The following RGS5 variants were observed in gnomAD, a reference collection of about 807,000 sequenced individuals.
RGS5 encodes regulator of G protein signaling 5, also known as regulator of G-protein signalling 5.
In RGS5, 20 loss-of-function variants were observed where a neutral mutation model predicts 18.9. The ratio of observed to expected loss-of-function variants is 1.06; its 90% CI spans 0.74 to 1.54. RGS5 has a LOEUF of 1.54. Ranked by LOEUF, RGS5 falls within the 40% of genes most tolerant of loss-of-function variation. The pLI is 0.00. For synonymous variants in RGS5, 57 were observed against 76.2 expected (o/e 0.75, Z 1.31); for missense variants, 201 against 211.8 (o/e 0.95, Z 0.32).
chr1:163,287,437 T>C (rs1649173142), intron 2 of RGS5, among the ~76,000 whole-genome samples: 1 of 152,194 alleles, frequency 6.6e-6, no homozygotes, highest in Non-Finnish European at 1.5e-5. Flanking sequence ...AGAATCACCA[T>C]GAGCTTTTAG....
At chr1:163,222,536 T>C (rs1647250021), upstream of RGS5, among the ~76,000 whole-genome samples, 3 of 152,284 alleles carry the variant, frequency 2.0e-5, no homozygotes, top group South Asian at 6.2e-4. Context: ...ACAGTCAGTA[T>C]TTAGTAATTC....
chr1:163,226,741 T>G (rs1381971107), intron 2 of RGS5, among the ~76,000 whole-genome samples: 1 of 152,230 alleles, frequency 6.6e-6, no homozygotes, highest in Admixed American at 6.5e-5. Flanking sequence ...CTAAGTTTTA[T>G]GTGATGTGTG....
At chr1:163,246,959 C>T (rs1286003558) in intron 2 of RGS5, among the ~76,000 whole-genome samples, 1 of 152,112 alleles carries the variant, frequency 6.6e-6, no homozygotes, top group African/African-American at 2.4e-5. Context: ...GGGGCCATTA[C>T]CCTAAGTCAA....
chr1:163,195,475 G>A (rs1348614659), intron 1 of RGS5, among the ~76,000 whole-genome samples: 1 of 152,036 alleles, frequency 6.6e-6, no homozygotes, highest in Non-Finnish European at 1.5e-5. Flanking sequence ...AGGCTACAGG[G>A]TGCAGTGCTT....
intron 4 of RGS5, among the ~76,000 whole-genome samples, 188 bp from the exon 5 acceptor site, chr1:163,147,691 A>G (rs1481047922): frequency 6.6e-6 from 1 of 152,208 alleles, no homozygotes; most frequent in African/African-American, 2.4e-5. Context: ...AGATGCATCC[A>G]ACCGGTATTA....
At chr1:163,311,124 T>C (rs1342075349) in intron 1 of RGS5, among the ~76,000 whole-genome samples, 3 of 152,222 alleles carry the variant, frequency 2.0e-5, no homozygotes, top group South Asian at 4.1e-4. Flanking sequence ...AACACACTTG[T>C]ATGTTATAAA....
intron 2 of RGS5, among the ~76,000 whole-genome samples, chr1:163,291,282 G>A (rs539553846): frequency 1.3e-5 from 2 of 152,148 alleles, no homozygotes; most frequent in Non-Finnish European, 2.9e-5. Flanking sequence ...GCGGCGGGCA[G>A]GGGGGTATCT....
At chr1:163,321,317 G>A (rs2940679) in intron 1 of RGS5, 148,135 of 152,318 alleles carry the variant, frequency 0.97, 72,183 homozygotes, top group Middle Eastern at 1. Context: ...TCATATCGGT[G>A]AAAGCGAGAG....
intron 2 of RGS5, among the ~76,000 whole-genome samples, chr1:163,273,434 A>T (rs954619625): frequency 2.0e-5 from 3 of 152,144 alleles, no homozygotes; most frequent in African/African-American, 7.2e-5. Flanking sequence ...ACTTAAAATT[A>T]TTATATCTTC....
At chr1:163,251,337 A>G (rs1648102184) in intron 2 of RGS5, among the ~76,000 whole-genome samples, 1 of 152,218 alleles carries the variant, frequency 6.6e-6, no homozygotes, top group Non-Finnish European at 1.5e-5. Flanking sequence ...ATCAAAGAAG[A>G]GAAGATATAT....
At chr1:163,197,467 C>T (rs991549167) in intron 1 of RGS5, among the ~76,000 whole-genome samples, 8 of 152,166 alleles carry the variant, frequency 5.3e-5, no homozygotes, top group African/African-American at 1.7e-4. Context: ...TATATTCCTT[C>T]GTAGTGGATT....
intron 2 of RGS5, among the ~76,000 whole-genome samples, chr1:163,296,241 G>A (rs917626825): frequency 6.6e-6 from 1 of 152,136 alleles, no homozygotes; most frequent in African/African-American, 2.4e-5. Context: ...GAAAAATTAT[G>A]TTCCAATAGA....
chr1:163,271,062 A>G (rs1261947133), intron 2 of RGS5, among the ~76,000 whole-genome samples: 1 of 152,130 alleles, frequency 6.6e-6, no homozygotes, highest in East Asian at 1.9e-4. Context: ...GTTTTAGGAC[A>G]TTTGTTATTG....
chr1:163,290,760 A>G (rs922451184), intron 2 of RGS5, among the ~76,000 whole-genome samples: 3 of 152,112 alleles, frequency 2.0e-5, no homozygotes, highest in Non-Finnish European at 2.9e-5. Flanking sequence ...GCTTCTCTTG[A>G]TTCCTCTTTC....
chr1:163,204,698 A>C (rs1041918938), upstream of RGS5, among the ~76,000 whole-genome samples: 1 of 152,344 alleles, frequency 6.6e-6, no homozygotes, highest in African/African-American at 2.4e-5. Context: ...CTATTGACTG[A>C]GTAAACATCA....
At chr1:163,321,199 A>G (rs1026793990) in intron 1 of RGS5, 5 of 152,244 alleles carry the variant, frequency 3.3e-5, no homozygotes, top group Non-Finnish European at 7.3e-5. Flanking sequence ...CAGAGGTGAA[A>G]AGCACTGATC....
At chr1:163,253,071 GTT>G (rs1648157752) in intron 2 of RGS5, among the ~76,000 whole-genome samples, 1 of 152,140 alleles carries the variant, frequency 6.6e-6, no homozygotes, top group Non-Finnish European at 1.5e-5. Context: ...CACTGGGTGT[GTT>G]TAAGTGATCC....
chr1:163,209,013 C>A (rs1264758419), intron 1 of RGS5, among the ~76,000 whole-genome samples: 2 of 152,182 alleles, frequency 1.3e-5, no homozygotes, highest in East Asian at 3.9e-4. Context: ...ATGAAATATT[C>A]ACAGAAAATT....
intron 2 of RGS5, among the ~76,000 whole-genome samples, chr1:163,291,991 A>G (rs755535603): frequency 3.0e-4 from 45 of 152,162 alleles, no homozygotes; most frequent in Non-Finnish European, 5.6e-4. Flanking sequence ...TTCAAGCCCA[A>G]ATAGAAATGA....
Sources: gnomAD v4.1 joint callset for allele counts (sites outside exome capture counted in the v4.1 genomes callset) on GRCh38, gnomAD v4.1.1 for gene constraint, MANE v1.5 for transcripts, NCBI Gene and HGNC (gene_info 2026-07-23, HGNC 2026-07-21) for gene names.